The following ABI2 variants were observed in gnomAD, a reference collection of about 807,000 sequenced individuals.
ABI2 encodes abl interactor 2.
A neutral mutation model predicts 59.2 loss-of-function variants in ABI2; 25 were observed. The observed-to-expected ratio is 0.42, with a 90% CI of 0.31 to 0.59. The LOEUF (loss-of-function observed/expected upper bound fraction) is 0.59, where lower values mean the gene tolerates loss of function less well. Among genes scored for constraint, ABI2 ranks in the 20% least tolerant of loss-of-function variants. The probability of loss-of-function intolerance (pLI) is 0.14; values close to 1 mark genes in which losing one functional copy is unlikely to be tolerated. For missense variants in ABI2, 545 were observed against 681.8 expected, an observed-to-expected ratio of 0.80 and a Z score of 2.23; for synonymous variants, 213 against 235.5, an observed-to-expected ratio of 0.90 and a Z score of 0.87.
chr2:203,380,278 C>T lies in ABI2; in HGVS notation c.356C>T (p.Ser119Leu). ...IGILTTNKNT[S>L]RTHKIIAPAN... The stretch of plus-strand genomic sequence containing the variant: ...ATTTTGACTACCAATAAAAACACTT[C>T]AAGGACACATAAGATTATTGCTCCA... Residue 119 changes from serine (S) to leucine (L), a missense_variant, in exon 3 of 12, where the codon TCA becomes TTA. Transcript: ENST00000261018. 2 of 1,607,682 alleles carry T rather than the reference C, an allele frequency of 1.2e-6. No homozygotes were observed. The highest frequency in any genetic ancestry group is 1.7e-6 in the Non-Finnish European group (2 of 1,177,364).
intron 2 of ABI2, among the ~76,000 whole-genome samples, chr2:203,372,673 C>G (rs1354960770): frequency 6.6e-6 from 1 of 151,242 alleles, no homozygotes; most frequent in African/African-American, 2.4e-5. Context: ...ACTTCCCAGA[C>G]GGGGTGGCTG....
intron 1 of ABI2, among the ~76,000 whole-genome samples, chr2:203,362,342 A>G (rs948950312): frequency 1.3e-5 from 2 of 151,854 alleles, no homozygotes; most frequent in Non-Finnish European, 2.9e-5. Flanking sequence ...GTGAATATTT[A>G]TTTTCTTTTA....
At chr2:203,395,170 A>T in intron 6 of ABI2, 1 of 695,722 alleles carries the variant, frequency 1.4e-6, no homozygotes, top group Non-Finnish European at 2.6e-6. Flanking sequence ...AACTATACAT[A>T]ATAAAACATT....
intron 11 of ABI2, among the ~76,000 whole-genome samples, chr2:203,419,730 T>C (rs2098114199): frequency 6.6e-6 from 1 of 152,054 alleles, no homozygotes; most frequent in Admixed American, 6.6e-5. Flanking sequence ...TGCTTTGGGC[T>C]GTAATCCCAG....
chr2:203,413,483 C>A (rs2097762378), intron 10 of ABI2, among the ~76,000 whole-genome samples: 1 of 152,096 alleles, frequency 6.6e-6, no homozygotes. Context: ...AGCAGCACTA[C>A]CTATATTTTA....
At chr2:203,395,334 C>T (rs2096927543) in intron 6 of ABI2, among the ~76,000 whole-genome samples, 1 of 150,936 alleles carries the variant, frequency 6.6e-6, no homozygotes, top group African/African-American at 2.4e-5. Context: ...TGTGTTAAAC[C>T]TCAACATTTA....
Position 203,402,660 on chromosome 2 carries a change from G to A in ABI2, c.1118G>A (p.Arg373His), listed in dbSNP as rs1457719361. The change falls in exon 9 of 12, where the codon CGC becomes CAC. Residue 373 changes from arginine (R) to histidine (H), a missense_variant. Physicochemically the swap from Arg to His is conservative, Grantham distance 29. Transcript: ENST00000261018. ...PTIGGSLPYR[R>H]PPSITSQTSL... ...ATAGGGGGCTCGTTGCCCTATAGAC[G>A]CCCTCCTTCCATTACTTCACAAACA... 5 of 1,605,384 alleles carry A rather than the reference G, an allele frequency of 3.1e-6. No individual in the cohort carries two copies. Among genetic ancestry groups the A allele is most frequent in the South Asian group, 1.1e-5 (1 of 88,968 alleles).
intron 1 of ABI2, among the ~76,000 whole-genome samples, chr2:203,365,060 A>G (rs752694985): frequency 3.9e-5 from 6 of 152,314 alleles, no homozygotes; most frequent in Non-Finnish European, 8.8e-5. Context: ...CCTTTTGATA[A>G]TGGAAGTAAT....
At chr2:203,423,471 G>A (rs960686287) in intron 11 of ABI2, among the ~76,000 whole-genome samples, 1 of 152,140 alleles carries the variant, frequency 6.6e-6, no homozygotes, top group Non-Finnish European at 1.5e-5. Context: ...TGTCGCTCAG[G>A]CTAGAGTGCA....
intron 9 of ABI2, among the ~76,000 whole-genome samples, chr2:203,404,611 T>G (rs1404165177): frequency 6.6e-6 from 1 of 152,170 alleles, no homozygotes; most frequent in East Asian, 1.9e-4. Context: ...CAGGCTGGAG[T>G]GCAGTGGTAC....
At chr2:203,336,572 T>C (rs561033684) in intron 1 of ABI2, among the ~76,000 whole-genome samples, 18 of 152,200 alleles carry the variant, frequency 1.2e-4, no homozygotes, top group Non-Finnish European at 2.2e-4. Context: ...TGTACCCTTT[T>C]AGGTAGTAGC....
At chr2:203,397,017 C>T in intron 8 of ABI2, 50 bp downstream of exon 8, 1 of 1,322,760 alleles carries the variant, frequency 7.6e-7, no homozygotes. Context: ...TCTGGCTATT[C>T]TCTTACTTGC....
intron 1 of ABI2, 108 bp from the exon 2 acceptor site, chr2:203,366,769 C>G: frequency 9.0e-7 from 1 of 1,113,002 alleles, no homozygotes; most frequent in Non-Finnish European, 1.2e-6. Context: ...AGTTTTTTTA[C>G]TTTCTGGTGG....
At chr2:203,365,080 A>G (rs539258552) in intron 1 of ABI2, among the ~76,000 whole-genome samples, 1 of 152,302 alleles carries the variant, frequency 6.6e-6, no homozygotes, top group African/African-American at 2.4e-5. Context: ...TACATGCCCA[A>G]GTTAAAAAAA....
At chr2:203,414,075 C>T (rs1233047363) in intron 10 of ABI2, among the ~76,000 whole-genome samples, 2 of 149,632 alleles carry the variant, frequency 1.3e-5, no homozygotes, top group African/African-American at 2.5e-5. Flanking sequence ...AAGTTTCTTG[C>T]TTTCTTACCT....
intron 1 of ABI2, among the ~76,000 whole-genome samples, chr2:203,359,852 G>C (rs1389995670): frequency 6.6e-6 from 1 of 151,880 alleles, no homozygotes; most frequent in Non-Finnish European, 1.5e-5. Flanking sequence ...TTTTGGGGGG[G>C]GGACACAAAA....
intron 1 of ABI2, among the ~76,000 whole-genome samples, chr2:203,329,714 C>T (rs1285141349): frequency 1.3e-5 from 2 of 148,166 alleles, no homozygotes; most frequent in Non-Finnish European, 3.0e-5. Flanking sequence ...CTTGCTCCCA[C>T]CTCCATCTCT....
At chr2:203,419,106 CTTT>C (rs748788810) in intron 11 of ABI2, among the ~76,000 whole-genome samples, 14 of 126,298 alleles carry the variant, frequency 1.1e-4, no homozygotes, top group African/African-American at 2.8e-4. Context: ...AATTAAAGAT[CTTT>C]TTTTTTTTTT....
intron 2 of ABI2, 95 bp downstream of exon 2, chr2:203,367,139 A>G: frequency 7.3e-7 from 1 of 1,366,302 alleles, no homozygotes; most frequent in Non-Finnish European, 9.5e-7. Flanking sequence ...ATGTAAGTTA[A>G]CTCACATGTA....
Sources: allele counts gnomAD v4.1 joint callset (sites outside exome capture counted in the v4.1 genomes callset), GRCh38; gene constraint gnomAD v4.1.1; transcripts MANE v1.5; gene names NCBI Gene and HGNC (gene_info 2026-07-23, HGNC 2026-07-21).